CYFIP1: variants seen among roughly 807,000 people sequenced by gnomAD.
CYFIP1 encodes cytoplasmic FMR1-interacting protein 1.
CYFIP1 carries 58 observed loss-of-function variants against 163.5 expected under a neutral mutation model. That is an observed-to-expected ratio of 0.35 (90% CI 0.29 to 0.44). The LOEUF (loss-of-function observed/expected upper bound fraction) is 0.44, where lower values mean the gene tolerates loss of function less well. CYFIP1 is among the 20% of genes least tolerant of loss of function. The pLI, the probability that CYFIP1 is intolerant of heterozygous loss-of-function variation, is 1.00. For synonymous variants in CYFIP1, 663 were observed against 660.7 expected, an observed-to-expected ratio of 1.00 and a Z score of -0.05; for missense variants, 1,338 against 1,653.8, an observed-to-expected ratio of 0.81 and a Z score of 3.31.
rs547883646 is a variant in CYFIP1, at chr15:22,867,153, A to G, written c.*2875T>C. On this transcript the variant is annotated 3_prime_UTR_variant, in exon 31 of 31. Transcript: ENST00000617928. ...AGTTTTAAGTCTATGAAAATGCTTT[A>G]TTTTTTCATTGGTGATGAAAGTCTG... The G allele has an allele frequency of 2.2e-6, 1 of 445,710 alleles. No homozygotes were observed. The highest frequency in any genetic ancestry group is 3.3e-5 in the East Asian group (1 of 29,884). 27.6% of individuals were successfully genotyped at this position (445,710 alleles called of 1,614,324 possible). A position where few individuals can be genotyped will look rare whatever the true frequency, so the allele number is the denominator to read the frequency against.
intron 1 of CYFIP1, chr15:22,947,870 G>A (rs1030374872): frequency 1.1e-6 from 1 of 898,250 alleles, no homozygotes; most frequent in Non-Finnish European, 1.3e-6. Flanking sequence ...CGCAGCTGGA[G>A]CAGAGGTGCA....
intron 1 of CYFIP1, among the ~76,000 whole-genome samples, chr15:22,951,821 C>T (rs1448607232): frequency 6.6e-6 from 1 of 152,150 alleles, no homozygotes; most frequent in East Asian, 1.9e-4. Context: ...CAGACAGGCT[C>T]GGGGGAGAAC....
intron 1 of CYFIP1, chr15:22,947,815 T>C: frequency 2.6e-6 from 1 of 391,786 alleles, no homozygotes; most frequent in Non-Finnish European, 3.5e-6. Context: ...CAGGCTGAGA[T>C]TGCAAGGAGT....
intron 9 of CYFIP1, among the ~76,000 whole-genome samples, chr15:22,934,953 C>A (rs760202686): frequency 2.0e-5 from 3 of 152,116 alleles, no homozygotes; most frequent in Non-Finnish European, 2.9e-5. Flanking sequence ...AGAAAAAGTT[C>A]TCAGTAAATG....
chr15:22,936,233 G>C (rs1271382346), intron 9 of CYFIP1, among the ~76,000 whole-genome samples: 2 of 152,114 alleles, frequency 1.3e-5, no homozygotes. Flanking sequence ...GCGAGGGCCT[G>C]TCTCAAAAAC....
At position 22,868,034 on chromosome 15, in the gene CYFIP1, C is replaced by G. The variant is rs1431572881; in HGVS notation, c.*1994G>C. The G allele has an allele frequency of 6.6e-6, 1 of 152,246 alleles. No individual in the cohort carries two copies. The highest frequency in any genetic ancestry group is 1.5e-5 in the Non-Finnish European group (1 of 68,052). The allele number at this position is 152,246 out of a possible 1,614,324, so 9.4% of individuals were successfully genotyped here. ...GATGGGAAGAAAGTGTTCGCCTGTT[C>G]CAGCCTGTGGCTCCTGCCTGGAGGT... On this transcript the variant is annotated 3_prime_UTR_variant, in exon 31 of 31. Transcript: ENST00000617928.
chr15:22,873,841 G>C, intron 28 of CYFIP1, 112 bp from the exon 29 acceptor site: 1 of 951,018 alleles, frequency 1.1e-6, no homozygotes, highest in Non-Finnish European at 1.6e-6. Context: ...GCCTAGGCTG[G>C]AGTGCAGTGG....
intron 1 of CYFIP1, among the ~76,000 whole-genome samples, chr15:22,975,809 A>C (rs1419209330): frequency 6.6e-6 from 1 of 152,186 alleles, no homozygotes; most frequent in Non-Finnish European, 1.5e-5. Flanking sequence ...TGGAATCCCT[A>C]ACCCCCTCGT....
At chr15:22,955,296 G>A (rs1185351252) in intron 1 of CYFIP1, among the ~76,000 whole-genome samples, 3 of 152,198 alleles carry the variant, frequency 2.0e-5, no homozygotes, top group Non-Finnish European at 2.9e-5. Context: ...GGATGGGGTC[G>A]CCAGCTGCCC....
intron 23 of CYFIP1, among the ~76,000 whole-genome samples, chr15:22,884,154 G>T (rs139719914): frequency 1.5e-3 from 235 of 152,118 alleles, no homozygotes; most frequent in African/African-American, 5.4e-3. Context: ...TTATCATTCT[G>T]CCCCTGGCCC....
At chr15:22,946,719 T>G (rs777139375) in intron 3 of CYFIP1, 6 of 597,292 alleles carry the variant, frequency 1.0e-5, no homozygotes, top group Non-Finnish European at 1.6e-5. Flanking sequence ...CTGGTGTGTG[T>G]GGGTGCAGAT....
At chr15:22,897,605 T>C (rs2060277896) in intron 22 of CYFIP1, among the ~76,000 whole-genome samples, 1 of 151,924 alleles carries the variant, frequency 6.6e-6, no homozygotes, top group Non-Finnish European at 1.5e-5. Flanking sequence ...CGCCTCAGCC[T>C]CCTGAGTAGC....
intron 26 of CYFIP1, among the ~76,000 whole-genome samples, chr15:22,879,192 A>T (rs907656951): frequency 2.0e-5 from 3 of 152,062 alleles, no homozygotes; most frequent in African/African-American, 7.3e-5. Context: ...GGCATTTCAC[A>T]GGAAAAGAAA....
chr15:22,930,186 T>TA (rs1386586436), intron 11 of CYFIP1, among the ~76,000 whole-genome samples: 3 of 149,138 alleles, frequency 2.0e-5, no homozygotes, highest in East Asian at 2.0e-4. Context: ...GTGTCTCTAC[T>TA]AAAAAAACAC....
At position 22,918,175 on chromosome 15, in the gene CYFIP1, T is replaced by C. The variant is rs547679385; in HGVS notation, c.1527-240A>G. 1.4e-4 allele frequency among the ~76,000 whole-genome samples: 21 copies of C among 152,322 alleles called. No individual in the cohort carries two copies. The East Asian group carries it at 4.1e-3, about 29-fold the overall frequency. The stretch of plus-strand genomic sequence containing the variant: ...ACTGCCCTGAGCTCCAGTTCGCATC[T>C]GTTAGCCCAGGGCAGCAGTGAGGTG... On this transcript the variant is annotated intron_variant, in intron 14 of 30. Coordinates refer to ENST00000617928, the MANE Select transcript of CYFIP1 (RefSeq NM_014608.6).
intron 23 of CYFIP1, among the ~76,000 whole-genome samples, chr15:22,887,284 C>G (rs563456289): frequency 3.9e-5 from 6 of 152,330 alleles, no homozygotes; most frequent in African/African-American, 7.2e-5. Context: ...TTAGACAACA[C>G]TGAAGGACAG....
chr15:22,877,501 T>C (rs912824992), intron 26 of CYFIP1, among the ~76,000 whole-genome samples: 5 of 152,160 alleles, frequency 3.3e-5, no homozygotes, highest in African/African-American at 7.2e-5. Flanking sequence ...AAAGGAATAT[T>C]CCTGTATTAA....
At chr15:22,927,483 C>CAAA (rs1188331935) in intron 12 of CYFIP1, among the ~76,000 whole-genome samples, 2,986 of 57,414 alleles carry the variant, frequency 0.052, 240 homozygotes, top group African/African-American at 0.16. Flanking sequence ...AACTCCGTCT[C>CAAA]AAAAAAAAAA....
intron 1 of CYFIP1, chr15:22,947,963 T>G: frequency 1.0e-6 from 1 of 985,526 alleles, no homozygotes. Context: ...CTGAATCTGC[T>G]CCAGTCTCAA....
Sources: gnomAD v4.1 joint callset for allele counts (sites outside exome capture counted in the v4.1 genomes callset) on GRCh38, gnomAD v4.1.1 for gene constraint, MANE v1.5 for transcripts, NCBI Gene and HGNC (gene_info 2026-07-23, HGNC 2026-07-21) for gene names.